Variants in GPATCH2L observed in about 807,000 individuals in gnomAD.
GPATCH2L encodes G-patch domain containing 2 like.
GPATCH2L carries 31 observed loss-of-function variants against 57.4 expected under a neutral mutation model. The observed-to-expected ratio is 0.54, with a 90% CI of 0.41 to 0.73. The LOEUF (loss-of-function observed/expected upper bound fraction) is 0.73, where lower values mean the gene tolerates loss of function less well. Ranked by LOEUF, GPATCH2L falls within the 30% of genes least tolerant of loss-of-function variation. The probability of loss-of-function intolerance (pLI) is 0.00; values close to 1 mark genes in which losing one functional copy is unlikely to be tolerated. For synonymous variants in GPATCH2L, 199 were observed against 210.7 expected (o/e 0.94, Z 0.48); for missense variants, 481 against 599.9 (o/e 0.80, Z 2.07).
At chr14:76,219,897 A>G (rs181053432) in intron 1 of GPATCH2L, among the ~76,000 whole-genome samples, 1 of 152,316 alleles carries the variant, frequency 6.6e-6, no homozygotes, top group Non-Finnish European at 1.5e-5. Context: ...GGCCTTGCAT[A>G]TGAGTCAATG....
At chr14:76,159,150 G>A (rs56813020) in intron 2 of GPATCH2L, among the ~76,000 whole-genome samples, 3,129 of 152,286 alleles carry the variant, frequency 0.021, 73 homozygotes, top group East Asian at 0.13. Context: ...TTGCTGTGGA[G>A]TTGAGAAGGT....
In GPATCH2L at chr14:76,154,585, G is replaced by A. The variant is rs777456808; in HGVS notation, c.222G>A (p.Lys74=). 4.3e-6 allele frequency: 7 copies of A among 1,614,104 alleles called. No individual in the cohort carries two copies. In the African/African-American group the frequency reaches 9.3e-5, roughly 22 times the overall value. The stretch of plus-strand genomic sequence containing the variant: ...AGTCAAGTCTGGATGAGGCCACTAA[G>A]GACTGTCGAGAAGTGGCTCCGGTGA... ...ASESSLDEAT[K]DCREVAPVTN... is the part of the protein sequence containing the mutation. The change falls in exon 2 of 10, where the codon AAG becomes AAA. Residue 74 remains lysine, a synonymous_variant. Transcript: ENST00000261530. This position sits in a 1 kb window ranked among gnomAD's most constrained non-coding sequence, Gnocchi z 4.4.
chr14:76,162,326 A>G (rs1249173473), intron 2 of GPATCH2L, among the ~76,000 whole-genome samples: 1 of 152,136 alleles, frequency 6.6e-6, no homozygotes, highest in African/African-American at 2.4e-5. Flanking sequence ...CATCTGTAGG[A>G]CATGGTAGTT....
At chr14:76,161,639 T>C (rs1304102039) in intron 2 of GPATCH2L, among the ~76,000 whole-genome samples, 1 of 152,224 alleles carries the variant, frequency 6.6e-6, no homozygotes, top group African/African-American at 2.4e-5. Flanking sequence ...GTTTATTTTG[T>C]TGAAACTAGA....
chr14:76,193,958 G>A (rs186252328), intron 8 of GPATCH2L, among the ~76,000 whole-genome samples: 1 of 152,226 alleles, frequency 6.6e-6, no homozygotes, highest in Admixed American at 6.5e-5. Context: ...CAAGTCTTAT[G>A]TTTGTGGAAA....
chr14:76,184,513 G>A (rs1013301635), intron 8 of GPATCH2L, among the ~76,000 whole-genome samples: 3 of 152,024 alleles, frequency 2.0e-5, no homozygotes, highest in African/African-American at 7.3e-5. Flanking sequence ...GGGGCATTGG[G>A]AGGATGGTGC....
chr14:76,220,668 C>G (rs1479920299), intron 1 of GPATCH2L, among the ~76,000 whole-genome samples: 1 of 151,992 alleles, frequency 6.6e-6, no homozygotes, highest in Non-Finnish European at 1.5e-5. Flanking sequence ...GAATTTTTAC[C>G]AGAATTTATC....
intron 2 of GPATCH2L, among the ~76,000 whole-genome samples, chr14:76,230,114 C>T (rs1242331597): frequency 6.6e-6 from 1 of 152,198 alleles, no homozygotes; most frequent in East Asian, 1.9e-4. Context: ...TCTGGGTTTC[C>T]TGGTGGGCAC....
chr14:76,176,833 G>C (rs1232021471), intron 6 of GPATCH2L, 143 bp downstream of exon 6: 3 of 615,350 alleles, frequency 4.9e-6, no homozygotes, highest in Non-Finnish European at 8.8e-6. Context: ...GTTAAATATG[G>C]CAACATCCTA....
intron 2 of GPATCH2L, among the ~76,000 whole-genome samples, chr14:76,233,873 G>A (rs767210023): frequency 6.6e-6 from 1 of 152,154 alleles, no homozygotes; most frequent in Non-Finnish European, 1.5e-5. Flanking sequence ...GGAGCCCAAG[G>A]CAGGAGGATC....
chr14:76,212,604 A>G lies in GPATCH2L; in HGVS notation c.*10753A>G, dbSNP rs1400277143. 1.3e-5 allele frequency: 2 copies of G among 152,188 alleles called. No homozygotes were observed. Among genetic ancestry groups the G allele is most frequent in the African/African-American group, 4.8e-5 (2 of 41,454 alleles). The allele number at this position is 152,188 out of a possible 1,614,324, so 9.4% of individuals were successfully genotyped here. ...TCATGACAGATCAAGTGGATAAAAA[A>G]CTAGGACATGGGATGATTTAAATAA... On this transcript the variant is annotated 3_prime_UTR_variant, in exon 10 of 10. Transcript: ENST00000261530.
At chr14:76,188,415 G>A (rs2039850719) in intron 8 of GPATCH2L, among the ~76,000 whole-genome samples, 1 of 152,004 alleles carries the variant, frequency 6.6e-6, no homozygotes, top group Non-Finnish European at 1.5e-5. Context: ...ATTTTAACTG[G>A]GGTCAGATGA....
At chr14:76,215,010 T>C (rs192412393), downstream of GPATCH2L, among the ~76,000 whole-genome samples, 16 of 152,220 alleles carry the variant, frequency 1.1e-4, no homozygotes, top group East Asian at 1.7e-3. Context: ...AGAATTCTTT[T>C]ACTTTTGAAG....
At chr14:76,187,927 GT>G (rs2039830207) in intron 8 of GPATCH2L, among the ~76,000 whole-genome samples, 1 of 151,846 alleles carries the variant, frequency 6.6e-6, no homozygotes, top group Non-Finnish European at 1.5e-5. Context: ...TAGTTCAATT[GT>G]TTTGATTTTT....
chr14:76,224,980 G>A (rs923564521), intron 1 of GPATCH2L, among the ~76,000 whole-genome samples: 1 of 152,052 alleles, frequency 6.6e-6, no homozygotes, highest in Non-Finnish European at 1.5e-5. Flanking sequence ...AATAAAGAAG[G>A]TCTAAATAAA....
At chr14:76,180,600 A>G (rs1376954249) in intron 7 of GPATCH2L, among the ~76,000 whole-genome samples, 164 bp from the exon 8 acceptor site, 3 of 152,212 alleles carry the variant, frequency 2.0e-5, no homozygotes, top group Non-Finnish European at 4.4e-5. Context: ...TGGTACATTC[A>G]TAGGCAAACT....
chr14:76,152,754 T>C, intron 1 of GPATCH2L: 1 of 456,136 alleles, frequency 2.2e-6, no homozygotes, highest in Non-Finnish European at 4.4e-6. Flanking sequence ...TTCAAGTTTG[T>C]GCTGTTCTGC....
chr14:76,180,719 C>A, intron 7 of GPATCH2L, 45 bp from the exon 8 acceptor site: 1 of 1,233,278 alleles, frequency 8.1e-7, no homozygotes, highest in Non-Finnish European at 1.2e-6. Context: ...GGATCAGGTC[C>A]GTTTCATGTA....
chr14:76,226,666 G>A (rs915814763), intron 1 of GPATCH2L, among the ~76,000 whole-genome samples: 2 of 152,138 alleles, frequency 1.3e-5, no homozygotes, highest in South Asian at 2.1e-4. Context: ...AAAAGGGCTC[G>A]TGGGCGTGGG....
Sources: gnomAD v4.1 joint callset for allele counts (sites outside exome capture counted in the v4.1 genomes callset) on GRCh38, gnomAD v4.1.1 for gene constraint, Gnocchi (gnomAD v3.1) non-coding constraint, MANE v1.5 for transcripts, NCBI Gene and HGNC (gene_info 2026-07-23, HGNC 2026-07-21) for gene names.